Variants in RAB11FIP4 observed in about 807,000 individuals in gnomAD.
RAB11FIP4 encodes the protein RAB11 family interacting protein 4, also known as rab11 family-interacting protein 4.
A neutral mutation model predicts 74.3 loss-of-function variants in RAB11FIP4; 23 were observed. The observed-to-expected ratio is 0.31, with a 90% CI of 0.22 to 0.44. RAB11FIP4 has a LOEUF of 0.44. Among genes scored for constraint, RAB11FIP4 ranks in the 20% least tolerant of loss-of-function variants. The pLI is 1.00. For synonymous variants in RAB11FIP4, 360 were observed against 359.9 expected (o/e 1.00, Z 0.00); for missense variants, 630 against 863.9 (o/e 0.73, Z 3.39).
At chr17:31,405,689 A>G (rs2071035858) in intron 1 of RAB11FIP4, among the ~76,000 whole-genome samples, 1 of 152,126 alleles carries the variant, frequency 6.6e-6, no homozygotes, top group Non-Finnish European at 1.5e-5. Flanking sequence ...ATTATCAAAT[A>G]TTGTTCTTGA....
intron 3 of RAB11FIP4, among the ~76,000 whole-genome samples, chr17:31,515,833 G>A (rs2072535952): frequency 6.6e-6 from 1 of 152,132 alleles, no homozygotes; most frequent in Admixed American, 6.5e-5. Context: ...GCTGCCCCTC[G>A]GTCTAGGGCC....
intron 3 of RAB11FIP4, among the ~76,000 whole-genome samples, chr17:31,449,240 C>G (rs2071500518): frequency 6.6e-6 from 1 of 152,088 alleles, no homozygotes; most frequent in Non-Finnish European, 1.5e-5. Flanking sequence ...CGCACACCGC[C>G]TGAACACTGG....
chr17:31,510,234 C>A (rs1296898719), intron 3 of RAB11FIP4, among the ~76,000 whole-genome samples: 1 of 152,206 alleles, frequency 6.6e-6, no homozygotes, highest in Non-Finnish European at 1.5e-5. Flanking sequence ...CCCCGTGAGA[C>A]CTTGACCTGG....
At chr17:31,488,961 C>T (rs1275439448) in intron 3 of RAB11FIP4, among the ~76,000 whole-genome samples, 1 of 152,188 alleles carries the variant, frequency 6.6e-6, no homozygotes, top group African/African-American at 2.4e-5. Context: ...GACACAGCCC[C>T]GCACCCTACT....
intron 14 of RAB11FIP4, among the ~76,000 whole-genome samples, 176 bp downstream of exon 14, chr17:31,530,645 T>G (rs1345962424): frequency 1.3e-5 from 2 of 152,124 alleles, no homozygotes; most frequent in African/African-American, 4.8e-5. Flanking sequence ...GCTGGAGAAG[T>G]TAAGTCAGCT....
intron 1 of RAB11FIP4, chr17:31,431,528 T>G: frequency 5.9e-6 from 2 of 338,962 alleles, no homozygotes; most frequent in Non-Finnish European, 1.1e-5. Flanking sequence ...TCGGCTTTCA[T>G]TGTGCAGTCC....
intron 3 of RAB11FIP4, among the ~76,000 whole-genome samples, chr17:31,503,241 C>T (rs1280798113): frequency 2.0e-5 from 3 of 149,640 alleles, no homozygotes; most frequent in African/African-American, 7.7e-5. Flanking sequence ...ACATGTTGGC[C>T]AGGCTAGTCT....
At chr17:31,507,611 G>A (rs527633184) in intron 3 of RAB11FIP4, among the ~76,000 whole-genome samples, 18 of 151,908 alleles carry the variant, frequency 1.2e-4, no homozygotes, top group Non-Finnish European at 2.6e-4. Flanking sequence ...TGTCCTTTTG[G>A]ATGATTCAAG....
At chr17:31,410,519 T>G (rs532992995) in intron 1 of RAB11FIP4, among the ~76,000 whole-genome samples, 4 of 151,878 alleles carry the variant, frequency 2.6e-5, no homozygotes, top group Non-Finnish European at 4.4e-5. Flanking sequence ...TTGGAGACCA[T>G]CCTGGCCAAC....
rs148718316 is a variant in RAB11FIP4, at chr17:31,494,839, G to A, written c.337-22812G>A. On this transcript the variant is annotated intron_variant, in intron 3 of 14. Transcript: ENST00000621161. ...CAGATACAGATTCTGGGTCTGGGGTGAAGTGACTAGCATTTGTGTGGCAGT... is the reference window on the plus strand; with the variant it reads ...CAGATACAGATTCTGGGTCTGGGGTAAAGTGACTAGCATTTGTGTGGCAGT... Among the ~76,000 whole-genome samples the A allele has an allele frequency of 7.5e-3, 1,139 of 152,280 alleles. 12 individuals carry two copies. The highest frequency in any genetic ancestry group is 0.017 in the Middle Eastern group (5 of 294).
chr17:31,419,259 A>G (rs751577492), intron 1 of RAB11FIP4, among the ~76,000 whole-genome samples: 29 of 147,614 alleles, frequency 2.0e-4, no homozygotes, highest in Non-Finnish European at 4.0e-4. Context: ...AAGTTCCCTT[A>G]TATTTCTACT....
At chr17:31,418,634 T>G (rs2071170691) in intron 1 of RAB11FIP4, among the ~76,000 whole-genome samples, 1 of 151,884 alleles carries the variant, frequency 6.6e-6, no homozygotes, top group Non-Finnish European at 1.5e-5. Flanking sequence ...TGGCTAATTT[T>G]GTTCATTTTT....
At chr17:31,464,882 T>C (rs1048856043) in intron 3 of RAB11FIP4, among the ~76,000 whole-genome samples, 83 of 149,014 alleles carry the variant, frequency 5.6e-4, no homozygotes, top group Non-Finnish European at 4.6e-4. Flanking sequence ...CACCTCAGCC[T>C]TCCTAGTAGC....
chr17:31,399,477 C>T (rs971415325), intron 1 of RAB11FIP4, among the ~76,000 whole-genome samples: 6 of 152,140 alleles, frequency 3.9e-5, no homozygotes, highest in Non-Finnish European at 8.8e-5. Flanking sequence ...CTTTGGGAGG[C>T]CGAGGCGGGC....
rs535152183 is a variant in RAB11FIP4, at chr17:31,451,101, C to T, written c.336+16979C>T. Among the ~76,000 whole-genome samples the T allele has an allele frequency of 4.6e-5, 7 of 152,272 alleles. No homozygotes were observed. The East Asian group carries it at 7.7e-4, about 17-fold the overall frequency. Reference sequence around the variant, plus strand: ...AGAGCCGCACCCTGTACCTGTGCCCCGATGGCCTGCATTCTCTCTTGTTTT... The same window carrying T: ...AGAGCCGCACCCTGTACCTGTGCCCTGATGGCCTGCATTCTCTCTTGTTTT... On this transcript the variant is annotated intron_variant, in intron 3 of 14. Transcript: ENST00000621161.
intron 3 of RAB11FIP4, among the ~76,000 whole-genome samples, chr17:31,476,709 C>T (rs1236868924): frequency 2.0e-5 from 3 of 152,238 alleles, no homozygotes; most frequent in Admixed American, 2.0e-4. Context: ...TGCCTCCCCA[C>T]TGCACTGGCC....
At chr17:31,527,568 T>C (rs150126968) in intron 10 of RAB11FIP4, 5,157 of 358,774 alleles carry the variant, frequency 0.014, 51 homozygotes, top group Middle Eastern at 0.033. Context: ...CACTCCAGCC[T>C]GGGCAACAGA....
chr17:31,480,624 C>G (rs1182451376), intron 3 of RAB11FIP4, among the ~76,000 whole-genome samples: 1 of 151,776 alleles, frequency 6.6e-6, no homozygotes, highest in Admixed American at 6.6e-5. Flanking sequence ...CCTCTCTCTA[C>G]TAAAAATAAA....
chr17:31,445,557 TATATATATATATATATATATA>T (rs1567658235), intron 3 of RAB11FIP4, among the ~76,000 whole-genome samples: 13 of 12,452 alleles, frequency 1.0e-3, no homozygotes, highest in East Asian at 2.4e-3. Flanking sequence ...TATATATATA[TATATATATATATATATATATA>T]TTTTTTTTTT....
Sources: allele counts gnomAD v4.1 joint callset (sites outside exome capture counted in the v4.1 genomes callset), GRCh38; gene constraint gnomAD v4.1.1; transcripts MANE v1.5; gene names NCBI Gene and HGNC (gene_info 2026-07-23, HGNC 2026-07-21).